WIPF2: variants seen among roughly 807,000 people sequenced by gnomAD.
WIPF2 encodes the protein WAS/WASL-interacting protein family member 2.
A neutral mutation model predicts 38.8 loss-of-function variants in WIPF2; 23 were observed. The ratio of observed to expected loss-of-function variants is 0.59; its 90% CI spans 0.43 to 0.84. The LOEUF is 0.84. Among genes scored for constraint, WIPF2 ranks in the 40% least tolerant of loss-of-function variants. The pLI, the probability that WIPF2 is intolerant of heterozygous loss-of-function variation, is 0.00. For synonymous variants in WIPF2, 210 were observed against 223.2 expected (o/e 0.94, Z 0.53); for missense variants, 574 against 580.5 (o/e 0.99, Z 0.11).
At chr17:40,223,377 A>T (rs1487638814) in intron 1 of WIPF2, among the ~76,000 whole-genome samples, 1 of 151,958 alleles carries the variant, frequency 6.6e-6, no homozygotes, top group Non-Finnish European at 1.5e-5. Flanking sequence ...TCCACCTCAC[A>T]CTTGATACTA....
chr17:40,252,838 A>T (rs1254668897), intron 1 of WIPF2, among the ~76,000 whole-genome samples: 1 of 150,422 alleles, frequency 6.6e-6, no homozygotes, highest in East Asian at 2.0e-4. Context: ...ATCTCGGCTC[A>T]CCACAACCTC....
chr17:40,276,913 G>A (rs565356708), intron 6 of WIPF2, among the ~76,000 whole-genome samples, 170 bp from the exon 7 acceptor site: 1 of 152,324 alleles, frequency 6.6e-6, no homozygotes, highest in African/African-American at 2.4e-5. Context: ...TGCAAGGCAC[G>A]TGGGGTGATG....
chr17:40,275,863 A>T (rs1383630156), intron 6 of WIPF2, among the ~76,000 whole-genome samples: 2 of 152,152 alleles, frequency 1.3e-5, no homozygotes, highest in Non-Finnish European at 2.9e-5. Context: ...CACCATGCCC[A>T]GCTTCTAGAT....
chr17:40,264,348 A>G (rs868395568), intron 4 of WIPF2, 142 bp from the exon 5 acceptor site: 77 of 676,518 alleles, frequency 1.1e-4, no homozygotes, highest in African/African-American at 8.9e-4. Flanking sequence ...AAAAAAAAAA[A>G]AAAAAGAAAA....
At chr17:40,262,378 A>C in intron 3 of WIPF2, 147 bp from the exon 4 acceptor site, 1 of 596,928 alleles carries the variant, frequency 1.7e-6, no homozygotes. Flanking sequence ...CCACTGTACC[A>C]GGCCTGCTTT....
At position 40,279,996 on chromosome 17, in the gene WIPF2, G is replaced by T. The variant is rs564364365; in HGVS notation, c.*1771G>T. On this transcript the variant is annotated 3_prime_UTR_variant, in exon 8 of 8. Coordinates refer to ENST00000323571, the MANE Select transcript of WIPF2 (RefSeq NM_133264.5). Reference sequence around the variant, plus strand: ...GTCTCCCCAGTGCTAGGTGAGGGAGGGCTCAACGGGGGTAATGTGTATGGG... The same window carrying T: ...GTCTCCCCAGTGCTAGGTGAGGGAGTGCTCAACGGGGGTAATGTGTATGGG... The T allele has an allele frequency of 2.6e-5, 4 of 152,400 alleles. No individual in the cohort carries two copies. The highest frequency in any genetic ancestry group is 2.6e-4 in the Admixed American group (4 of 15,276). 9.4% of individuals were successfully genotyped at this position (152,400 alleles called of 1,614,324 possible).
chr17:40,260,268 A>ACCTCCACC (rs1162082853), intron 2 of WIPF2, among the ~76,000 whole-genome samples: 1 of 139,234 alleles, frequency 7.2e-6, no homozygotes, highest in East Asian at 2.1e-4. Context: ...GCTCACTGCA[A>ACCTCCACC]CCTCCACCTC....
chr17:40,263,396 C>T (rs1321912781), intron 4 of WIPF2, among the ~76,000 whole-genome samples: 2 of 152,158 alleles, frequency 1.3e-5, no homozygotes, highest in East Asian at 3.8e-4. Flanking sequence ...GTAATGCTTG[C>T]TCGCTCACCT....
intron 1 of WIPF2, among the ~76,000 whole-genome samples, chr17:40,251,761 A>G (rs931193449): frequency 2.6e-5 from 4 of 152,068 alleles, no homozygotes; most frequent in African/African-American, 9.7e-5. Flanking sequence ...ACATGTAGGC[A>G]CTCCCACTCC....
Position 40,226,847 on chromosome 17 carries a change from T to C in WIPF2, c.-70+7355T>C, listed in dbSNP as rs139944529. Among the ~76,000 whole-genome samples, 1,169 of 152,272 alleles carry C rather than the reference T, an allele frequency of 7.7e-3. 16 individuals are homozygous for C. Among genetic ancestry groups the C allele is most frequent in the African/African-American group, 0.027 (1,101 of 41,546 alleles). ...GCCTCTGCCTCCTGAGTTCAAGCGA[T>C]TCTGCTGCCTTAGCCTCCTGAGTAG... On this transcript the variant is annotated intron_variant, in intron 1 of 7. Transcript: ENST00000323571.
At chr17:40,263,430 G>C (rs144001334) in intron 4 of WIPF2, among the ~76,000 whole-genome samples, 124 of 152,086 alleles carry the variant, frequency 8.2e-4, no homozygotes, top group African/African-American at 2.9e-3. Context: ...TTCCTAACAG[G>C]CCACTGACCT....
At position 40,264,853 on chromosome 17, in the gene WIPF2, C is replaced by T. The variant is rs770354097; in HGVS notation, c.677C>T (p.Ala226Val). The change falls in exon 5 of 8, where the codon GCT (alanine) becomes GTT (valine). Residue 226 changes from alanine (A) to valine (V), a missense_variant. Physicochemically the swap from Ala to Val is moderately conservative, Grantham distance 64. Coordinates refer to ENST00000323571, the MANE Select transcript of WIPF2 (RefSeq NM_133264.5). The stretch of plus-strand genomic sequence containing the variant: ...CACCCTGGTCGAGAGGGACCTCCTG[C>T]TCCACCCCCAGTCAAACCACCTCCT... ...RLHPGREGPP[A>V]PPPVKPPPSP... is the part of the protein sequence containing the mutation. 1.8e-5 allele frequency: 29 copies of T among 1,614,082 alleles called. No homozygotes were observed. The highest frequency in any genetic ancestry group is 1.4e-5 in the Non-Finnish European group (17 of 1,180,050).
intron 1 of WIPF2, among the ~76,000 whole-genome samples, chr17:40,223,130 T>A (rs1257721802): frequency 1.3e-5 from 2 of 151,906 alleles, no homozygotes; most frequent in African/African-American, 4.8e-5. Context: ...GAATGTAGTG[T>A]TTGTTTTTTT....
At position 40,239,217 on chromosome 17, in the gene WIPF2, G is replaced by A. The variant is rs78744880; in HGVS notation, c.-69-17174G>A. ...CTCCCAAGTAGCTGGGACCACAGGC[G>A]CCCGCCACCACGCCCGGCTAATTTT... is the stretch of plus-strand genomic sequence containing the variant. On this transcript the variant is annotated intron_variant, in intron 1 of 7. Coordinates refer to ENST00000323571, the MANE Select transcript of WIPF2 (RefSeq NM_133264.5). Among the ~76,000 whole-genome samples the A allele has an allele frequency of 2.4e-4, 37 of 151,678 alleles. No individual in the cohort carries two copies. In the East Asian group the frequency reaches 6.2e-3, roughly 25 times the overall value.
intron 2 of WIPF2, among the ~76,000 whole-genome samples, chr17:40,257,483 A>G (rs924150649): frequency 6.6e-6 from 1 of 152,136 alleles, no homozygotes; most frequent in Non-Finnish European, 1.5e-5. Context: ...TACTTTAGCC[A>G]TACCTAGATT....
chr17:40,252,133 C>CT (rs1954647972), intron 1 of WIPF2, among the ~76,000 whole-genome samples: 1 of 152,082 alleles, frequency 6.6e-6, no homozygotes. Context: ...AGGAAGGCAT[C>CT]TTTAACTGTG....
chr17:40,237,241 CTTTTTTTTT>C (rs533124301), intron 1 of WIPF2, among the ~76,000 whole-genome samples: 7 of 129,486 alleles, frequency 5.4e-5, no homozygotes, highest in African/African-American at 2.0e-4. Context: ...TCAATTTTTC[CTTTTTTTTT>C]TTTTTTTTGA....
rs550723867 is a variant in WIPF2 at position 40,280,180 on chromosome 17, A to G, written c.*1955A>G. 1.7e-4 allele frequency: 26 copies of G among 152,310 alleles called. No individual in the cohort carries two copies. The highest frequency in any genetic ancestry group is 1.2e-3 in the Admixed American group (19 of 15,290). 9.4% of individuals were successfully genotyped at this position (152,310 alleles called of 1,614,324 possible). ...AAGTATCCCTAGCATCCTGAAGCAA[A>G]CAGAACTGCCGGGCGCTGTGGCTTA... On this transcript the variant is annotated 3_prime_UTR_variant, in exon 8 of 8. Transcript: ENST00000323571.
intron 1 of WIPF2, among the ~76,000 whole-genome samples, chr17:40,225,885 C>T (rs1006327888): frequency 3.3e-5 from 5 of 152,032 alleles, no homozygotes; most frequent in African/African-American, 4.8e-5. Flanking sequence ...GAACTTTTGC[C>T]GGCCTCCCAA....
Sources: allele counts gnomAD v4.1 joint callset (sites outside exome capture counted in the v4.1 genomes callset), GRCh38; gene constraint gnomAD v4.1.1; transcripts MANE v1.5; gene names NCBI Gene and HGNC (gene_info 2026-07-23, HGNC 2026-07-21).